CHD6: variants seen among roughly 807,000 people sequenced by gnomAD.
The protein encoded by CHD6 is chromodomain helicase DNA binding protein 6.
Under a neutral mutation model 276.9 loss-of-function variants are expected in CHD6, and 50 were observed. The observed-to-expected ratio is 0.18, with a 90% CI of 0.14 to 0.23. The LOEUF (loss-of-function observed/expected upper bound fraction) is 0.23, where lower values mean the gene tolerates loss of function less well. Ranked by LOEUF, CHD6 falls within the 10% of genes least tolerant of loss-of-function variation. CHD6 has a pLI of 1.00. For missense variants in CHD6, 2,564 were observed against 3,365.8 expected (o/e 0.76, Z 5.89); for synonymous variants, 1,173 against 1,229.3 (o/e 0.95, Z 0.96).
intron 32 of CHD6, 140 bp from the exon 33 acceptor site, chr20:41,416,934 C>T (rs1555886471): frequency 1.3e-6 from 1 of 780,636 alleles, no homozygotes; most frequent in Non-Finnish European, 2.0e-6. Flanking sequence ...CTTTATAAGG[C>T]TTAAAATAAA....
At chr20:41,535,857 C>T (rs1178695260) in intron 2 of CHD6, among the ~76,000 whole-genome samples, 1 of 152,162 alleles carries the variant, frequency 6.6e-6, no homozygotes, top group African/African-American at 2.4e-5. Context: ...CACAGCAAGA[C>T]TCAATCTCTT....
chr20:41,606,906 A>G (rs1281432459), intron 1 of CHD6, among the ~76,000 whole-genome samples: 1 of 152,160 alleles, frequency 6.6e-6, no homozygotes, highest in Non-Finnish European at 1.5e-5. Flanking sequence ...CTAATACACA[A>G]CAAAGTTTGA....
chr20:41,429,391 G>A (rs1359109100), intron 27 of CHD6, among the ~76,000 whole-genome samples: 1 of 152,150 alleles, frequency 6.6e-6, no homozygotes, highest in Admixed American at 6.5e-5. Context: ...AGTGCTACTG[G>A]TATTAAAACA....
intron 13 of CHD6, among the ~76,000 whole-genome samples, chr20:41,488,215 T>C (rs944646460): frequency 4.0e-4 from 61 of 152,180 alleles, no homozygotes; most frequent in African/African-American, 1.4e-3. Flanking sequence ...CCTAAGTCTA[T>C]GGAAATCAAT....
rs1441216763 is a variant in CHD6 at position 41,514,852 on chromosome 20, G to A, written c.655C>T (p.Pro219Ser). ...SLELDQGLTN[P>S]SLRSPEESTE... ...GACTCCTCAGGACTCCGCAGAGATG[G>A]GTTCGTCAGGCCCTGATCCAGCTCT... is the stretch of plus-strand genomic sequence containing the variant. Residue 219 changes from proline to serine, a missense_variant, in exon 4 of 37, where the codon CCA (proline) becomes TCA (serine). By Grantham distance (74) the Pro-to-Ser change is moderately conservative (BLOSUM62 -1). Around this residue, in one of 7 missense-constraint regions of CHD6, gnomAD observed 286 missense variants for 297.8 expected, o/e 0.96. Coordinates refer to ENST00000373233, the MANE Select transcript of CHD6 (RefSeq NM_032221.5). The A allele has an allele frequency of 1.2e-6, 2 of 1,613,888 alleles. No individual in the cohort carries two copies. The highest frequency in any genetic ancestry group is 1.7e-5 in the Admixed American group (1 of 59,980).
At chr20:41,484,758 G>C in intron 14 of CHD6, 151 bp from the exon 15 acceptor site, 1 of 793,466 alleles carries the variant, frequency 1.3e-6, no homozygotes, top group Non-Finnish European at 2.0e-6. Context: ...CCTGAAAATG[G>C]AGAGTTTATA....
chr20:41,440,191 C>A, intron 25 of CHD6, 62 bp from the exon 26 acceptor site: 3 of 1,488,774 alleles, frequency 2.0e-6, no homozygotes, highest in Non-Finnish European at 1.9e-6. Context: ...TTGCTTTGGG[C>A]ACTAGTCTTT....
At position 41,421,326 on chromosome 20, in the gene CHD6, G is replaced by A; in HGVS notation, c.5309C>T (p.Ala1770Val). The part of the protein sequence containing the change: ...FMGSLEAGGV[A>V]QANIKNGKHL... Reference sequence around the variant, plus strand: ...TTTTCCATTTTTGATGTTTGCTTGAGCTACTCCTCCTGCTTCTAAGCTACC... The same window carrying A: ...TTTTCCATTTTTGATGTTTGCTTGAACTACTCCTCCTGCTTCTAAGCTACC... Residue 1770 changes from alanine (A) to valine (V), a missense_variant, in exon 31 of 37, where the codon GCT becomes GTT. Ala to Val is a moderately conservative substitution (Grantham distance 64). Transcript: ENST00000373233. 1 of 1,614,164 alleles carries A rather than the reference G, an allele frequency of 6.2e-7. No homozygotes were observed. Among genetic ancestry groups the A allele is most frequent in the Admixed American group, 1.7e-5 (1 of 60,022 alleles).
intron 1 of CHD6, among the ~76,000 whole-genome samples, chr20:41,591,481 G>C (rs973614623): frequency 6.6e-6 from 1 of 151,704 alleles, no homozygotes; most frequent in South Asian, 2.1e-4. Context: ...ACTTGAGGTC[G>C]AGAGTTCAAG....
At chr20:41,549,736 C>T (rs571995246) in intron 2 of CHD6, among the ~76,000 whole-genome samples, 2 of 151,978 alleles carry the variant, frequency 1.3e-5, no homozygotes, top group South Asian at 2.1e-4. Context: ...GTACAGATTG[C>T]TTTAAGAAAT....
intron 1 of CHD6, among the ~76,000 whole-genome samples, chr20:41,575,170 T>G (rs1345460301): frequency 6.6e-6 from 1 of 152,214 alleles, no homozygotes; most frequent in African/African-American, 2.4e-5. Context: ...CAGAAAGTTT[T>G]GTAACAGGTC....
chr20:41,615,612 T>C (rs953176816), intron 1 of CHD6, among the ~76,000 whole-genome samples: 1 of 152,208 alleles, frequency 6.6e-6, no homozygotes, highest in Non-Finnish European at 1.5e-5. Flanking sequence ...GGAAGTAGAG[T>C]GCAGCCTCCT....
intron 34 of CHD6, chr20:41,414,135 G>C (rs1158307264): frequency 6.6e-6 from 1 of 152,204 alleles, no homozygotes; most frequent in Non-Finnish European, 1.5e-5. Flanking sequence ...TTAAAAGCTT[G>C]CAGGATTGAG....
intron 1 of CHD6, among the ~76,000 whole-genome samples, chr20:41,590,051 G>A (rs1037769346): frequency 1.4e-4 from 21 of 152,038 alleles, no homozygotes; most frequent in African/African-American, 4.8e-4. Flanking sequence ...GCCCTCAGAA[G>A]TAATACCACA....
At chr20:41,460,590 A>T (rs2048514248) in intron 17 of CHD6, among the ~76,000 whole-genome samples, 1 of 152,216 alleles carries the variant, frequency 6.6e-6, no homozygotes, top group Non-Finnish European at 1.5e-5. Context: ...AAAGCACCAA[A>T]CCTTGGCAGC....
At chr20:41,606,443 G>A (rs1302179588) in intron 1 of CHD6, among the ~76,000 whole-genome samples, 1 of 152,156 alleles carries the variant, frequency 6.6e-6, no homozygotes, top group Admixed American at 6.5e-5. Flanking sequence ...GAACCCAGGA[G>A]GTGGAGTTTG....
chr20:41,591,257 T>C (rs2045655055), intron 1 of CHD6, among the ~76,000 whole-genome samples: 1 of 151,004 alleles, frequency 6.6e-6, no homozygotes, highest in African/African-American at 2.4e-5. Context: ...ATATACCTAA[T>C]GTAAATGACG....
intron 22 of CHD6, 82 bp from the exon 23 acceptor site, chr20:41,451,187 T>G: frequency 7.9e-7 from 1 of 1,265,630 alleles, no homozygotes; most frequent in Non-Finnish European, 1.1e-6. Flanking sequence ...GGGCTGGGGT[T>G]TGTTAGAACA....
At chr20:41,594,157 G>T (rs1266271818) in intron 1 of CHD6, among the ~76,000 whole-genome samples, 1 of 151,502 alleles carries the variant, frequency 6.6e-6, no homozygotes, top group East Asian at 1.9e-4. Context: ...CCTCATAAAG[G>T]TGTTCCACAG....
Sources: gnomAD v4.1 joint callset for allele counts (sites outside exome capture counted in the v4.1 genomes callset) on GRCh38, gnomAD v4.1.1 for gene constraint, gnomAD v4.1.1 regional missense constraint, MANE v1.5 for transcripts, NCBI Gene and HGNC (gene_info 2026-07-23, HGNC 2026-07-21) for gene names.